NDUFAF2: variants seen among roughly 807,000 people sequenced by gnomAD.
The protein encoded by NDUFAF2 is NADH:ubiquinone oxidoreductase complex assembly factor 2, also known as NADH dehydrogenase [ubiquinone] 1 alpha subcomplex assembly factor 2.
In NDUFAF2, 13 loss-of-function variants were observed where a neutral mutation model predicts 22.8. The observed-to-expected ratio is 0.57, with a 90% CI of 0.37 to 0.91. The LOEUF is 0.91. Among genes scored for constraint, NDUFAF2 ranks in the 40% least tolerant of loss-of-function variants. The pLI is 0.01. For missense variants in NDUFAF2, 162 were observed against 195.2 expected (o/e 0.83, Z 1.01); for synonymous variants, 53 against 64.2 (o/e 0.83, Z 0.84).
chr5:60,966,587 T>C (rs1750761022), intron 1 of NDUFAF2, among the ~76,000 whole-genome samples: 1 of 152,154 alleles, frequency 6.6e-6, no homozygotes, highest in African/African-American at 2.4e-5. Flanking sequence ...GATATCCAGT[T>C]TTCCAAACAT....
At chr5:61,034,985 A>T (rs1751779205) in intron 1 of NDUFAF2, among the ~76,000 whole-genome samples, 1 of 151,432 alleles carries the variant, frequency 6.6e-6, no homozygotes. Flanking sequence ...CTGTCTAAAT[A>T]TGAATATTAA....
chr5:61,123,550 T>C (rs13190305), intron 3 of NDUFAF2, among the ~76,000 whole-genome samples: 16,306 of 152,262 alleles, frequency 0.11, 1,084 homozygotes, highest in South Asian at 0.22. Flanking sequence ...GAAATGTCAT[T>C]GCATAGCACG....
At chr5:61,027,763 CT>C (rs1012819068) in intron 1 of NDUFAF2, among the ~76,000 whole-genome samples, 5 of 151,862 alleles carry the variant, frequency 3.3e-5, no homozygotes, top group Non-Finnish European at 5.9e-5. Context: ...TAAAAGCCTC[CT>C]TTTTTTCTTC....
intron 1 of NDUFAF2, among the ~76,000 whole-genome samples, chr5:61,070,156 T>C (rs1325657096): frequency 6.6e-6 from 1 of 152,188 alleles, no homozygotes; most frequent in Non-Finnish European, 1.5e-5. Flanking sequence ...AGTTAATTTT[T>C]AAATGTAAAT....
chr5:61,000,112 A>T lies in NDUFAF2; in HGVS notation c.127+54730A>T, dbSNP rs183296599. Among the ~76,000 whole-genome samples, 208 of 152,242 alleles carry T rather than the reference A, an allele frequency of 1.4e-3. 1 individual carries two copies. The highest frequency in any genetic ancestry group is 2.0e-3 in the Non-Finnish European group (139 of 67,982). On this transcript the variant is annotated intron_variant, in intron 1 of 3. Coordinates refer to ENST00000296597, the MANE Select transcript of NDUFAF2 (RefSeq NM_174889.5). ...CTGAGGAGTTTAATAAAATCTTCAT[A>T]GTGTTTAAGGATCAGTGGTTGACAG...
At chr5:61,096,369 G>A (rs983089216) in intron 2 of NDUFAF2, among the ~76,000 whole-genome samples, 13 of 152,096 alleles carry the variant, frequency 8.5e-5, no homozygotes, top group African/African-American at 3.1e-4. Flanking sequence ...GGGAGGCTGA[G>A]GCGAGCAGAT....
At chr5:61,065,418 C>T (rs1425096686) in intron 1 of NDUFAF2, among the ~76,000 whole-genome samples, 1 of 152,024 alleles carries the variant, frequency 6.6e-6, no homozygotes, top group African/African-American at 2.4e-5. Context: ...GCCAATTTTT[C>T]TGATGAACAT....
intron 1 of NDUFAF2, among the ~76,000 whole-genome samples, chr5:61,064,183 T>C (rs557641151): frequency 6.6e-6 from 1 of 152,090 alleles, no homozygotes. Flanking sequence ...GGTCAATTAA[T>C]GAAGAGGACA....
chr5:61,135,726 A>C (rs977017766), intron 3 of NDUFAF2, among the ~76,000 whole-genome samples: 1 of 152,070 alleles, frequency 6.6e-6, no homozygotes, highest in African/African-American at 2.4e-5. Context: ...CATGAAATAC[A>C]AGGGTAAAGA....
intron 1 of NDUFAF2, among the ~76,000 whole-genome samples, chr5:61,048,942 T>C (rs1434439969): frequency 6.6e-6 from 1 of 152,160 alleles, no homozygotes; most frequent in Non-Finnish European, 1.5e-5. Flanking sequence ...TGCGTGGTTA[T>C]GTCTCGTTGT....
intron 1 of NDUFAF2, among the ~76,000 whole-genome samples, chr5:60,964,354 T>G (rs941107062): frequency 6.6e-6 from 1 of 152,160 alleles, no homozygotes; most frequent in Non-Finnish European, 1.5e-5. Context: ...TATTGTGGAA[T>G]GGCTAACTCA....
intron 1 of NDUFAF2, among the ~76,000 whole-genome samples, chr5:61,031,460 C>G (rs1189259457): frequency 6.6e-6 from 1 of 152,018 alleles, no homozygotes; most frequent in Non-Finnish European, 1.5e-5. Context: ...CCAGCTTCAT[C>G]CATGTCCCTG....
chr5:61,103,052 C>G (rs1752721668), intron 3 of NDUFAF2, among the ~76,000 whole-genome samples: 2 of 152,084 alleles, frequency 1.3e-5, no homozygotes, highest in African/African-American at 4.8e-5. Flanking sequence ...GTTATAAAAT[C>G]AAACATACAT....
At chr5:61,051,407 C>A (rs538379393) in intron 1 of NDUFAF2, among the ~76,000 whole-genome samples, 11 of 152,190 alleles carry the variant, frequency 7.2e-5, no homozygotes, top group Admixed American at 1.3e-4. Flanking sequence ...TCAGTAATAG[C>A]CAAAGAGACA....
intron 1 of NDUFAF2, among the ~76,000 whole-genome samples, chr5:60,991,828 G>A (rs1261411538): frequency 6.6e-6 from 1 of 152,146 alleles, no homozygotes; most frequent in Non-Finnish European, 1.5e-5. Flanking sequence ...GGGATTGCCA[G>A]GTCGTATGGT....
At chr5:61,094,379 C>G (rs1005599597) in intron 2 of NDUFAF2, among the ~76,000 whole-genome samples, 2 of 152,218 alleles carry the variant, frequency 1.3e-5, no homozygotes, top group African/African-American at 4.8e-5. Flanking sequence ...TGTCCGTCAG[C>G]CTCTGCAATG....
At chr5:60,948,746 A>G (rs1054455234) in intron 1 of NDUFAF2, among the ~76,000 whole-genome samples, 4 of 152,212 alleles carry the variant, frequency 2.6e-5, no homozygotes, top group African/African-American at 9.7e-5. Context: ...GTTATTACAA[A>G]TAAATTATGA....
chr5:60,970,895 A>G (rs941789256), intron 1 of NDUFAF2, among the ~76,000 whole-genome samples: 1 of 152,102 alleles, frequency 6.6e-6, no homozygotes, highest in Non-Finnish European at 1.5e-5. Context: ...CCTTATATAT[A>G]TATTTTTGTC....
At chr5:60,964,775 A>G (rs183839916) in intron 1 of NDUFAF2, among the ~76,000 whole-genome samples, 189 of 152,156 alleles carry the variant, frequency 1.2e-3, no homozygotes, top group Non-Finnish European at 1.9e-3. Flanking sequence ...TACCATTACC[A>G]TGTTGTACAA....
Sources: gnomAD v4.1 joint callset for allele counts (sites outside exome capture counted in the v4.1 genomes callset) on GRCh38, gnomAD v4.1.1 for gene constraint, MANE v1.5 for transcripts, NCBI Gene and HGNC (gene_info 2026-07-23, HGNC 2026-07-21) for gene names.